Variants in ZNF395 observed in about 807,000 individuals in gnomAD.
The protein encoded by ZNF395 is HD gene regulatory region-binding protein 2.
Under a neutral mutation model 57.7 loss-of-function variants are expected in ZNF395, and 20 were observed. The observed-to-expected ratio is 0.35, with a 90% CI of 0.24 to 0.50. ZNF395 has a LOEUF of 0.50. Among genes scored for constraint, ZNF395 ranks in the 20% least tolerant of loss-of-function variants. ZNF395 has a pLI of 0.97. For missense variants in ZNF395, 606 were observed against 671.2 expected, an observed-to-expected ratio of 0.90 and a Z score of 1.07; for synonymous variants, 295 against 275.9, an observed-to-expected ratio of 1.07 and a Z score of -0.69.
rs1801683614 is a variant in ZNF395 at position 28,351,560 on chromosome 8, A to C, written c.1168T>G (p.Ser390Ala). Residue 390 changes from serine (S) to alanine (A), a missense_variant, in exon 7 of 10, where the codon TCA (serine) becomes GCA (alanine). Ser to Ala is a moderately conservative substitution (Grantham distance 99, BLOSUM62 1). This residue lies in a region of ZNF395 where 261 missense variants were observed against 240.3 expected (regional missense o/e 1.09). Coordinates refer to ENST00000344423, the MANE Select transcript of ZNF395 (RefSeq NM_018660.3). ...GGAGCTGACTTGCTGAGAGCCCCTG[A>C]GGGCAGGGAGGACTCCGGGCCAGGA... ...EHPGPESSLP[S>A]GALSKSAPGS... is the part of the protein sequence containing the mutation. The C allele has an allele frequency of 2.5e-6, 4 of 1,613,666 alleles. No individual in the cohort carries two copies. The Admixed American group carries it at 6.7e-5, about 27-fold the overall frequency.
At chr8:28,360,519 C>G (rs957374017) in intron 2 of ZNF395, among the ~76,000 whole-genome samples, 11 of 152,240 alleles carry the variant, frequency 7.2e-5, no homozygotes, top group Non-Finnish European at 2.9e-5. Flanking sequence ...TTCAAAGATG[C>G]AATGTTCTCT....
intron 1 of ZNF395, chr8:28,386,130 C>A (rs1334797571): frequency 1.4e-4 from 21 of 147,732 alleles, no homozygotes; most frequent in Admixed American, 9.4e-4. Context: ...CGGCCCGCGG[C>A]CCGGCTCCGC....
At position 28,346,862 on chromosome 8, in the gene ZNF395, C is replaced by G. The variant is rs368117221; in HGVS notation, c.*1857G>C. 6.6e-6 allele frequency: 1 copy of G among 151,940 alleles called. No individual in the cohort carries two copies. The highest frequency in any genetic ancestry group is 2.1e-4 in the South Asian group (1 of 4,828). The allele number at this position is 151,940 out of a possible 1,614,324, so 9.4% of individuals were successfully genotyped here. A position where few individuals can be genotyped will look rare whatever the true frequency, so the allele number is the denominator to read the frequency against. ...GCCAGCTCTTAATTCTCAAGGAGAT[C>G]GAAGGGACAGGAAGGAGAGCCCTGC... On this transcript the variant is annotated 3_prime_UTR_variant, in exon 10 of 10. Coordinates refer to ENST00000344423, the MANE Select transcript of ZNF395 (RefSeq NM_018660.3).
At position 28,349,122 on chromosome 8, in the gene ZNF395, C is replaced by T; in HGVS notation, c.1430+3G>A. The T allele has an allele frequency of 6.4e-7, 1 of 1,564,876 alleles. No individual in the cohort carries two copies. The highest frequency in any genetic ancestry group is 8.6e-7 in the Non-Finnish European group (1 of 1,156,462). On this transcript the variant is annotated splice_donor_region_variant and intron_variant, in intron 9 of 9. Coordinates refer to ENST00000344423, the MANE Select transcript of ZNF395 (RefSeq NM_018660.3). ...AGGCAGGGGACGACAGCGGACATCTCACCTGGCACCACTCTGGGCCCGGGG... is the reference window on the plus strand; with the variant it reads ...AGGCAGGGGACGACAGCGGACATCTTACCTGGCACCACTCTGGGCCCGGGG...
chr8:28,382,269 TC>T lies in ZNF395; in HGVS notation c.-59+4123del, dbSNP rs375031538. 6.8e-3 allele frequency among the ~76,000 whole-genome samples: 1,037 copies of T among 152,132 alleles called. 14 individuals are homozygous for T. The highest frequency in any genetic ancestry group is 0.024 in the African/African-American group (995 of 41,482). ...AATCCAGAGATTTTTCTGTATTTTT[TC>T]CCCCAATTTTTAAACACCTTTATGT... On this transcript the variant is annotated intron_variant, in intron 1 of 9. Coordinates refer to ENST00000344423, the MANE Select transcript of ZNF395 (RefSeq NM_018660.3).
intron 1 of ZNF395, among the ~76,000 whole-genome samples, chr8:28,374,856 C>A (rs1802021761): frequency 1.3e-5 from 2 of 152,218 alleles, no homozygotes; most frequent in South Asian, 4.1e-4. Context: ...ATCACACTTC[C>A]TCCATACCAG....
intron 4 of ZNF395, 124 bp from the exon 5 acceptor site, chr8:28,353,532 T>A: frequency 2.8e-6 from 2 of 704,896 alleles, no homozygotes; most frequent in Non-Finnish European, 4.6e-6. Context: ...TTGGTAGAAC[T>A]GCTCTACCCT....
At chr8:28,361,378 T>C (rs1801847897) in intron 1 of ZNF395, among the ~76,000 whole-genome samples, 196 bp from the exon 2 acceptor site, 2 of 152,370 alleles carry the variant, frequency 1.3e-5, no homozygotes, top group South Asian at 4.1e-4. Context: ...ACTCTTCCTA[T>C]GCAGCAGGCC....
rs1283059155 is a variant in ZNF395, at chr8:28,349,232, G to T, written c.1327-4C>A. The stretch of plus-strand genomic sequence containing the variant: ...AGCTTAGCGACCGGCTCCGGACCTG[G>T]GCGTGGGGAGAGGGGCTGTGAGCAC... On this transcript the variant is annotated splice_region_variant and splice_polypyrimidine_tract_variant and intron_variant, in intron 8 of 9. Coordinates refer to ENST00000344423, the MANE Select transcript of ZNF395 (RefSeq NM_018660.3). The T allele has an allele frequency of 1.3e-6, 2 of 1,531,826 alleles. No individual in the cohort carries two copies. Among genetic ancestry groups the T allele is most frequent in the East Asian group, 4.6e-5 (2 of 43,378 alleles). 94.9% of individuals were successfully genotyped at this position (1,531,826 alleles called of 1,614,324 possible). A position where few individuals can be genotyped will look rare whatever the true frequency, so the allele number is the denominator to read the frequency against.
At chr8:28,363,643 A>G (rs1801876698) in intron 1 of ZNF395, among the ~76,000 whole-genome samples, 1 of 152,112 alleles carries the variant, frequency 6.6e-6, no homozygotes, top group African/African-American at 2.4e-5. Flanking sequence ...AAAACAAAAC[A>G]AAACAAAACT....
Position 28,359,532 on chromosome 8 carries a change from C to A in ZNF395, c.473+60G>T. The A allele has an allele frequency of 6.6e-7, 1 of 1,519,612 alleles. No individual in the cohort carries two copies. Among genetic ancestry groups the A allele is most frequent in the Non-Finnish European group, 8.8e-7 (1 of 1,131,846 alleles). The allele number at this position is 1,519,612 out of a possible 1,614,324, so 94.1% of individuals were successfully genotyped here. ...TTCTTCCCCACCACAACACAGCCCA[C>A]ACCCTTACACCACACTACCCACGTG... On this transcript the variant is annotated intron_variant, in intron 3 of 9. Transcript: ENST00000344423. This position sits in a 1 kb window ranked among gnomAD's most constrained non-coding sequence, Gnocchi z 4.7.
At chr8:28,361,479 T>G (rs1801849110) in intron 1 of ZNF395, among the ~76,000 whole-genome samples, 2 of 152,172 alleles carry the variant, frequency 1.3e-5, no homozygotes, top group African/African-American at 2.4e-5. Flanking sequence ...ACTGTGTAAG[T>G]TTTACTATAT....
chr8:28,381,684 T>A (rs926740442), intron 1 of ZNF395, among the ~76,000 whole-genome samples: 1 of 152,084 alleles, frequency 6.6e-6, no homozygotes, highest in African/African-American at 2.4e-5. Context: ...TTTGGATCAA[T>A]ACCAGGCTCC....
intron 1 of ZNF395, among the ~76,000 whole-genome samples, chr8:28,366,400 GT>G (rs1421490490): frequency 6.6e-6 from 1 of 152,218 alleles, no homozygotes; most frequent in Admixed American, 6.5e-5. Flanking sequence ...TTTTACTTAA[GT>G]TTTTCAGTGT....
intron 1 of ZNF395, among the ~76,000 whole-genome samples, chr8:28,376,626 A>C (rs1802043852): frequency 6.8e-6 from 1 of 147,872 alleles, no homozygotes; most frequent in Admixed American, 6.8e-5. Context: ...GTCTCAAAAC[A>C]AAAAAAAAAG....
At chr8:28,371,475 C>G (rs1801975657) in intron 1 of ZNF395, among the ~76,000 whole-genome samples, 1 of 152,134 alleles carries the variant, frequency 6.6e-6, no homozygotes, top group East Asian at 1.9e-4. Context: ...GCCACCAGAC[C>G]CAGACAAGCT....
chr8:28,367,541 T>A (rs1048128745), intron 1 of ZNF395, among the ~76,000 whole-genome samples: 2 of 152,240 alleles, frequency 1.3e-5, no homozygotes, highest in African/African-American at 4.8e-5. Context: ...TGTTTCTGTT[T>A]GCGCTGCTGG....
In ZNF395 at chr8:28,360,946, T is replaced by C; in HGVS notation, c.179A>G (p.Glu60Gly). The change falls in exon 2 of 10, where the codon GAA becomes GGA. Residue 60 changes from glutamate to glycine, a missense_variant. Glu to Gly is a moderately conservative substitution (Grantham distance 98). Around this residue, in one of 3 missense-constraint regions of ZNF395, gnomAD observed 309 missense variants for 374.7 expected, o/e 0.82. Transcript: ENST00000344423. Reference sequence around the variant, plus strand: ...CGAGGTGCTGGGAGCCTTAAGGACTTCCTTGGGCTGCTCCTGGCAGGGGGT... The same window carrying C: ...CGAGGTGCTGGGAGCCTTAAGGACTCCCTTGGGCTGCTCCTGGCAGGGGGT... ...DDTPCQEQPK[E>G]VLKAPSTSGL... The C allele has an allele frequency of 6.2e-7, 1 of 1,613,820 alleles. No individual in the cohort carries two copies.
chr8:28,355,787 A>G (rs1801771683), intron 4 of ZNF395, among the ~76,000 whole-genome samples: 1 of 152,220 alleles, frequency 6.6e-6, no homozygotes. Flanking sequence ...CTAGTCATTG[A>G]CAGCTGACTT....
Sources: gnomAD v4.1 joint callset for allele counts (sites outside exome capture counted in the v4.1 genomes callset) on GRCh38, gnomAD v4.1.1 for gene constraint, gnomAD v4.1.1 regional missense constraint, Gnocchi (gnomAD v3.1) non-coding constraint, MANE v1.5 for transcripts, NCBI Gene and HGNC (gene_info 2026-07-23, HGNC 2026-07-21) for gene names.